Variants in CLVS1 observed in about 807,000 individuals in gnomAD.
The protein encoded by CLVS1 is clavesin-1.
Under a neutral mutation model 33.1 loss-of-function variants are expected in CLVS1, and 10 were observed. The ratio of observed to expected loss-of-function variants is 0.30; its 90% CI spans 0.19 to 0.51. The LOEUF is 0.51. Ranked by LOEUF, CLVS1 falls within the 20% of genes least tolerant of loss-of-function variation. CLVS1 has a pLI of 0.97. For missense variants in CLVS1, 343 were observed against 433.4 expected (o/e 0.79, Z 1.85); for synonymous variants, 163 against 166.1 (o/e 0.98, Z 0.14).
the CLVS1 span, chr8:60,967,907 C>T: frequency 1.9e-5 from 6 of 314,498 alleles, no homozygotes; most frequent in Non-Finnish European, 3.1e-5. Flanking sequence ...ATTCTCCACA[C>T]ACCCGTGGAC....
chr8:60,997,537 T>G, the CLVS1 span, among the ~76,000 whole-genome samples: 1 of 152,224 alleles, frequency 6.6e-6, no homozygotes, highest in Admixed American at 6.5e-5. Flanking sequence ...TTGTTAAATC[T>G]ATGCTGATTA....
intron 1 of CLVS1, among the ~76,000 whole-genome samples, chr8:61,093,716 T>C (rs180894219): frequency 1.2e-4 from 18 of 152,358 alleles, no homozygotes; most frequent in African/African-American, 3.8e-4. Context: ...CACACATGCT[T>C]AGCTGCTTTT....
At chr8:61,248,720 A>C (rs1808872582) in intron 2 of CLVS1, among the ~76,000 whole-genome samples, 1 of 152,134 alleles carries the variant, frequency 6.6e-6, no homozygotes, top group South Asian at 2.1e-4. Flanking sequence ...CTTAGAGTGC[A>C]AATAGATAAA....
At chr8:61,409,725 G>C (rs1815142583) in intron 3 of CLVS1, among the ~76,000 whole-genome samples, 2 of 152,122 alleles carry the variant, frequency 1.3e-5, no homozygotes, top group Admixed American at 1.3e-4. Flanking sequence ...CATGGTTGGG[G>C]GGACGGTGCG....
intron 2 of CLVS1, among the ~76,000 whole-genome samples, chr8:61,233,399 T>G (rs1808484937): frequency 6.6e-6 from 1 of 152,044 alleles, no homozygotes. Flanking sequence ...TCACCATTGT[T>G]GTCAGCCATT....
upstream of CLVS1, among the ~76,000 whole-genome samples, chr8:61,283,249 T>C (rs539048311): frequency 9.2e-5 from 14 of 152,344 alleles, no homozygotes; most frequent in African/African-American, 3.4e-4. Context: ...TGGTTCACTG[T>C]AGACATTCAT....
chr8:61,431,455 G>C (rs992863019), intron 3 of CLVS1, among the ~76,000 whole-genome samples: 1 of 152,106 alleles, frequency 6.6e-6, no homozygotes, highest in African/African-American at 2.4e-5. Flanking sequence ...CTTACTATGG[G>C]AAATACTAGT....
chr8:61,300,424 G>T (rs1315603447), intron 2 of CLVS1, 142 bp downstream of exon 2: 1 of 719,156 alleles, frequency 1.4e-6, no homozygotes, highest in South Asian at 2.0e-5. Flanking sequence ...TAGGCCACAG[G>T]TGTGCTGTCT....
chr8:61,405,947 T>G (rs1814969996), intron 3 of CLVS1, among the ~76,000 whole-genome samples: 1 of 152,192 alleles, frequency 6.6e-6, no homozygotes, highest in Non-Finnish European at 1.5e-5. Context: ...AGAAATTTCT[T>G]TGCATATACT....
chr8:61,062,413 TGTTGATGTAACTAC>T (rs1338370166), intron 1 of CLVS1, among the ~76,000 whole-genome samples: 1 of 152,210 alleles, frequency 6.6e-6, no homozygotes, highest in African/African-American at 2.4e-5. Context: ...TTTGCCAAAA[TGTTGATGTAACTAC>T]GTCAGTATAG....
At chr8:61,326,756 G>C (rs768886950) in intron 2 of CLVS1, among the ~76,000 whole-genome samples, 1 of 151,994 alleles carries the variant, frequency 6.6e-6, no homozygotes, top group African/African-American at 2.4e-5. Context: ...TACTATAATC[G>C]ATATTTATTG....
intron 5 of CLVS1, among the ~76,000 whole-genome samples, chr8:61,499,216 AC>A (rs1380006691): frequency 2.0e-5 from 3 of 152,140 alleles, no homozygotes; most frequent in Non-Finnish European, 2.9e-5. Context: ...TACCTCTGTC[AC>A]CCAGGCTGGA....
intron 3 of CLVS1, among the ~76,000 whole-genome samples, chr8:61,397,418 C>T (rs1814571106): frequency 6.6e-6 from 1 of 152,000 alleles, no homozygotes; most frequent in Admixed American, 6.6e-5. Context: ...ATAAGAGAAA[C>T]ATGTCTGCAT....
chr8:61,457,168 C>G (rs1011208098), intron 4 of CLVS1, among the ~76,000 whole-genome samples: 25 of 151,988 alleles, frequency 1.6e-4, no homozygotes, highest in Non-Finnish European at 1.0e-4. Context: ...AACTCCTGAC[C>G]TCAGGTGATC....
chr8:61,362,116 G>A (rs778038989), intron 2 of CLVS1, among the ~76,000 whole-genome samples: 10 of 152,146 alleles, frequency 6.6e-5, no homozygotes, highest in South Asian at 2.1e-4. Flanking sequence ...CTGAGAACAC[G>A]GGCCAAGCAT....
At chr8:61,182,905 C>A (rs191198832) in intron 2 of CLVS1, among the ~76,000 whole-genome samples, 1 of 152,176 alleles carries the variant, frequency 6.6e-6, no homozygotes, top group African/African-American at 2.4e-5. Flanking sequence ...CCCTAATGCC[C>A]ATCAATGATA....
intron 3 of CLVS1, among the ~76,000 whole-genome samples, chr8:61,413,482 G>A (rs924102946): frequency 2.6e-4 from 39 of 152,070 alleles, no homozygotes; most frequent in Admixed American, 7.9e-4. Context: ...CAGGAGAACC[G>A]CATTAATTAC....
chr8:61,424,655 C>A (rs1268402354), intron 3 of CLVS1, among the ~76,000 whole-genome samples: 3 of 151,934 alleles, frequency 2.0e-5, no homozygotes, highest in Non-Finnish European at 4.4e-5. Context: ...CAAATTGTAT[C>A]CTGTTCAAGG....
chr8:61,277,915 C>T (rs1394690293), intron 2 of CLVS1, among the ~76,000 whole-genome samples: 1 of 152,068 alleles, frequency 6.6e-6, no homozygotes, highest in Non-Finnish European at 1.5e-5. Flanking sequence ...CTGTGTGCAG[C>T]AACTAGTGGG....
Sources: gnomAD v4.1 joint callset for allele counts (sites outside exome capture counted in the v4.1 genomes callset) on GRCh38, gnomAD v4.1.1 for gene constraint, MANE v1.5 for transcripts, NCBI Gene and HGNC (gene_info 2026-07-23, HGNC 2026-07-21) for gene names.